The following DYNC2H1 variants were observed in gnomAD, a reference collection of about 807,000 sequenced individuals.
DYNC2H1 encodes the protein cytoplasmic dynein 2 heavy chain 1.
DYNC2H1 carries 410 observed loss-of-function variants against 570.0 expected under a neutral mutation model. That is an observed-to-expected ratio of 0.72 (90% CI 0.66 to 0.78). The LOEUF (loss-of-function observed/expected upper bound fraction) is 0.78, where lower values mean the gene tolerates loss of function less well. Among genes scored for constraint, DYNC2H1 ranks in the 30% least tolerant of loss-of-function variants. DYNC2H1 has a pLI of 0.00. For missense variants in DYNC2H1, 4,865 were observed against 5,046.4 expected (o/e 0.96, Z 1.09); for synonymous variants, 1,688 against 1,677.6 (o/e 1.01, Z -0.15).
At chr11:103,373,467 A>G (rs900705131) in intron 83 of DYNC2H1, among the ~76,000 whole-genome samples, 6 of 152,142 alleles carry the variant, frequency 3.9e-5, no homozygotes, top group African/African-American at 1.4e-4. Context: ...ACTGGTTATT[A>G]GGGGCATGTT....
chr11:103,154,485 A>G lies in DYNC2H1; in HGVS notation c.3337A>G (p.Asn1113Asp), dbSNP rs1425616959. Residue 1113 changes from asparagine (N) to aspartate (D), a missense_variant, in exon 23 of 89, where the codon AAT becomes GAT. Around this residue, in one of 5 missense-constraint regions of DYNC2H1, gnomAD observed 1,936 missense variants for 1,962.1 expected, o/e 0.99. Coordinates refer to ENST00000375735, the MANE Select transcript of DYNC2H1 (RefSeq NM_001377.3). The part of the protein sequence containing the change: ...DCHHFRLEEP[N>D]FSLASSISKD... ...CCATCATTTTAGACTGGAAGAGCCT[A>G]ATTTCTCCCTGGCAAGTAGTATCTC... The G allele has an allele frequency of 4.5e-6, 7 of 1,556,914 alleles. No individual in the cohort carries two copies. Among genetic ancestry groups the G allele is most frequent in the African/African-American group, 1.4e-5 (1 of 73,176 alleles).
In DYNC2H1 at chr11:103,326,892, A is replaced by G. The variant is rs937806265; in HGVS notation, c.12039+2902A>G. 6.6e-6 allele frequency among the ~76,000 whole-genome samples: 1 copy of G among 152,188 alleles called. No homozygotes were observed. Among genetic ancestry groups the G allele is most frequent in the African/African-American group, 2.4e-5 (1 of 41,462 alleles). ...CCTTACTCTACTACAGCTGTCCTGCACACAAAAGCTCCTGAGCTCCACAGC... is the reference window on the plus strand; with the variant it reads ...CCTTACTCTACTACAGCTGTCCTGCGCACAAAAGCTCCTGAGCTCCACAGC... On this transcript the variant is annotated intron_variant, in intron 82 of 88. Transcript: ENST00000375735. This position sits in a 1 kb window ranked among gnomAD's most constrained non-coding sequence, Gnocchi z 6.1.
intron 55 of DYNC2H1, among the ~76,000 whole-genome samples, chr11:103,216,268 T>C (rs1176013941): frequency 6.6e-6 from 1 of 152,178 alleles, no homozygotes; most frequent in East Asian, 1.9e-4. Flanking sequence ...TTCAGTACTT[T>C]CATGATGTTT....
chr11:103,358,419 C>A, intron 83 of DYNC2H1, 60 bp downstream of exon 83: 1 of 1,149,062 alleles, frequency 8.7e-7, no homozygotes, highest in Non-Finnish European at 1.3e-6. Context: ...TAACCATGTG[C>A]TCCCCATTTC....
At chr11:103,418,722 G>T (rs1310283877) in intron 84 of DYNC2H1, among the ~76,000 whole-genome samples, 1 of 152,184 alleles carries the variant, frequency 6.6e-6, no homozygotes, top group East Asian at 1.9e-4. Flanking sequence ...GCCCACCTGG[G>T]AGTGGCATGG....
intron 77 of DYNC2H1, among the ~76,000 whole-genome samples, chr11:103,307,375 A>G (rs187566478): frequency 6.6e-6 from 1 of 152,136 alleles, no homozygotes. Context: ...TGAACTTACT[A>G]TGTATCAGGC....
chr11:103,450,382 A>T (rs1944557532), intron 85 of DYNC2H1, among the ~76,000 whole-genome samples: 2 of 150,766 alleles, frequency 1.3e-5, no homozygotes, highest in African/African-American at 2.5e-5. Flanking sequence ...TAACAAAAGC[A>T]GAATGCGCAT....
chr11:103,283,167 G>A (rs72973684), intron 73 of DYNC2H1, 82 bp downstream of exon 73: 32,380 of 1,122,098 alleles, frequency 0.029, 554 homozygotes, highest in Middle Eastern at 0.047. Context: ...CTCCTTATTC[G>A]TAATCAGTGT....
rs1428427731 is a variant in DYNC2H1 at position 103,181,091 on chromosome 11, A to G, written c.6348-666A>G. Among the ~76,000 whole-genome samples the G allele has an allele frequency of 3.3e-5, 5 of 151,562 alleles. No homozygotes were observed. Among genetic ancestry groups the G allele is most frequent in the African/African-American group, 4.8e-5 (2 of 41,386 alleles). ...GATGTGAATCTCTATTATTTCACCAATTGGATTTTGGTGAAATAATTGAAT... is the reference window on the plus strand; with the variant it reads ...GATGTGAATCTCTATTATTTCACCAGTTGGATTTTGGTGAAATAATTGAAT... On this transcript the variant is annotated intron_variant, in intron 39 of 88. Transcript: ENST00000375735. This position sits in a 1 kb window ranked among gnomAD's most constrained non-coding sequence, Gnocchi z 5.0.
chr11:103,135,871 G>A lies in DYNC2H1; in HGVS notation c.2497G>A (p.Ala833Thr). The A allele has an allele frequency of 1.2e-6, 2 of 1,612,946 alleles. No homozygotes were observed. Among genetic ancestry groups the A allele is most frequent in the Non-Finnish European group, 1.7e-6 (2 of 1,179,502 alleles). ...TTTTTCTATTATGATTGATAGAAAT[G>A]CAAGTGGATTTTTGACGATTTTCAG... Reference protein sequence around the residue: ...SIFSIMIDRNASGFLTIFSKA... With the variant: ...SIFSIMIDRNTSGFLTIFSKA... The change falls in exon 17 of 89, where the codon GCA (alanine) becomes ACA (threonine). Residue 833 changes from alanine (A) to threonine (T), a missense_variant. This residue lies in a region of DYNC2H1 where 1,936 missense variants were observed against 1,962.1 expected (regional missense o/e 0.99). Coordinates refer to ENST00000375735, the MANE Select transcript of DYNC2H1 (RefSeq NM_001377.3).
rs1864411719 is a variant in DYNC2H1 at position 103,241,226 on chromosome 11, G to A, written c.9820-2467G>A. Among the ~76,000 whole-genome samples the A allele has an allele frequency of 6.6e-6, 1 of 152,104 alleles. No individual in the cohort carries two copies. Among genetic ancestry groups the A allele is most frequent in the Non-Finnish European group, 1.5e-5 (1 of 68,004 alleles). ...AAGGGAATGTATTTTCTTAATTTCTGTACTCCTTGTACTATCTTACTATAG... is the reference window on the plus strand; with the variant it reads ...AAGGGAATGTATTTTCTTAATTTCTATACTCCTTGTACTATCTTACTATAG... On this transcript the variant is annotated intron_variant, in intron 63 of 88. Coordinates refer to ENST00000375735, the MANE Select transcript of DYNC2H1 (RefSeq NM_001377.3). The surrounding 1 kb of genome is among the most constrained non-coding windows in gnomAD (Gnocchi z 5.1).
At position 103,307,848 on chromosome 11, in the gene DYNC2H1, C is replaced by A; in HGVS notation, c.11493+17C>A. Reference sequence around the variant, plus strand: ...ACATATGAGGTAAGAAGATTTAAAACTTGGATCACCAGTTGTATGAAAGCA... The same window carrying A: ...ACATATGAGGTAAGAAGATTTAAAAATTGGATCACCAGTTGTATGAAAGCA... On this transcript the variant is annotated intron_variant, in intron 78 of 88. Transcript: ENST00000375735. 1 of 1,457,036 alleles carries A rather than the reference C, an allele frequency of 6.9e-7. No homozygotes were observed. The highest frequency in any genetic ancestry group is 9.5e-7 in the Non-Finnish European group (1 of 1,055,976). 90.3% of individuals were successfully genotyped at this position (1,457,036 alleles called of 1,614,324 possible). A position where few individuals can be genotyped will look rare whatever the true frequency, so the allele number is the denominator to read the frequency against.
intron 83 of DYNC2H1, among the ~76,000 whole-genome samples, chr11:103,361,716 G>A (rs765413586): frequency 1.2e-4 from 18 of 152,084 alleles, no homozygotes; most frequent in Non-Finnish European, 2.4e-4. Flanking sequence ...GGGTGCCCTT[G>A]AGTAATGTCA....
At chr11:103,240,381 C>G (rs1427286280) in intron 63 of DYNC2H1, among the ~76,000 whole-genome samples, 12 of 152,022 alleles carry the variant, frequency 7.9e-5, no homozygotes, top group Admixed American at 7.9e-4. Flanking sequence ...TATTGATAAC[C>G]CATCAGAAAT....
chr11:103,229,094 C>T (rs1316052968), intron 59 of DYNC2H1, among the ~76,000 whole-genome samples: 1 of 152,178 alleles, frequency 6.6e-6, no homozygotes, highest in East Asian at 1.9e-4. Context: ...CCACCATGCC[C>T]CAACAGCACC....
In DYNC2H1 at chr11:103,154,513, A is replaced by C. The variant is rs749093220; in HGVS notation, c.3365A>C (p.Lys1122Thr). The C allele has an allele frequency of 6.3e-7, 1 of 1,576,178 alleles. No homozygotes were observed. Among genetic ancestry groups the C allele is most frequent in the South Asian group, 1.2e-5 (1 of 84,738 alleles). The stretch of plus-strand genomic sequence containing the variant: ...TTCTCCCTGGCAAGTAGTATCTCTA[A>C]AGATATCGAGAGCTGTGCCCAAATT... ...PNFSLASSIS[K>T]DIESCAQIWA... Residue 1122 changes from lysine (K) to threonine (T), a missense_variant, in exon 23 of 89, where the codon AAA (lysine) becomes ACA (threonine). Physicochemically the swap from Lys to Thr is moderately conservative, Grantham distance 78. Coordinates refer to ENST00000375735, the MANE Select transcript of DYNC2H1 (RefSeq NM_001377.3).
Position 103,160,929 on chromosome 11 carries a change from C to T in DYNC2H1, c.4379-3C>T. On this transcript the variant is annotated splice_region_variant and splice_polypyrimidine_tract_variant and intron_variant, in intron 28 of 88. Coordinates refer to ENST00000375735, the MANE Select transcript of DYNC2H1 (RefSeq NM_001377.3). ...CAATTCAATCATTGCTTTTATATTTCAGGTATTAACAGTGTTTGCTTTGAT... is the reference window on the plus strand; with the variant it reads ...CAATTCAATCATTGCTTTTATATTTTAGGTATTAACAGTGTTTGCTTTGAT... 1.3e-6 allele frequency: 2 copies of T among 1,484,742 alleles called. No individual in the cohort carries two copies. Among genetic ancestry groups the T allele is most frequent in the Non-Finnish European group, 1.8e-6 (2 of 1,104,590 alleles). The allele number at this position is 1,484,742 out of a possible 1,614,324, so 92.0% of individuals were successfully genotyped here. A position where few individuals can be genotyped will look rare whatever the true frequency, so the allele number is the denominator to read the frequency against.
intron 35 of DYNC2H1, among the ~76,000 whole-genome samples, 151 bp downstream of exon 35, chr11:103,173,456 C>T (rs577505272): frequency 3.6e-4 from 55 of 152,114 alleles, no homozygotes; most frequent in African/African-American, 1.3e-3. Flanking sequence ...CTATGAAAGG[C>T]TTTAGCATGC....
rs1424714222 is a variant in DYNC2H1, at chr11:103,245,299, A to G, written c.9967A>G (p.Thr3323Ala). 1 of 1,559,110 alleles carries G rather than the reference A, an allele frequency of 6.4e-7. No homozygotes were observed. The highest frequency in any genetic ancestry group is 2.4e-5 in the East Asian group (1 of 42,116). ...TGAATTAGCAGTACGTTTTGGGAAA[A>G]CCCTTATTATACAAGAGATGGATGG... ...ALELAVRFGK[T>A]LIIQEMDGVE... The change falls in exon 65 of 89, where the codon ACC becomes GCC. Residue 3323 changes from threonine (T) to alanine (A), a missense_variant. Physicochemically the swap from Thr to Ala is moderately conservative, Grantham distance 58. Coordinates refer to ENST00000375735, the MANE Select transcript of DYNC2H1 (RefSeq NM_001377.3). This position sits in a 1 kb window ranked among gnomAD's most constrained non-coding sequence, Gnocchi z 4.5.
Sources: allele counts gnomAD v4.1 joint callset (sites outside exome capture counted in the v4.1 genomes callset), GRCh38; gene constraint gnomAD v4.1.1; regional missense constraint gnomAD v4.1.1; non-coding constraint Gnocchi (gnomAD v3.1); transcripts MANE v1.5; gene names NCBI Gene and HGNC (gene_info 2026-07-23, HGNC 2026-07-21).